Variants in PIK3C2G observed in about 807,000 individuals in gnomAD.
PIK3C2G encodes phosphatidylinositol 3-kinase C2 domain-containing subunit gamma.
In PIK3C2G, 168 loss-of-function variants were observed where a neutral mutation model predicts 181.1. The ratio of observed to expected loss-of-function variants is 0.93; its 90% CI spans 0.82 to 1.05. The LOEUF (loss-of-function observed/expected upper bound fraction) is 1.05, where lower values mean the gene tolerates loss of function less well. PIK3C2G is among the 50% of genes least tolerant of loss of function. The probability of loss-of-function intolerance (pLI) is 0.00; values close to 1 mark genes in which losing one functional copy is unlikely to be tolerated. For synonymous variants in PIK3C2G, 573 were observed against 592.2 expected (o/e 0.97, Z 0.47); for missense variants, 1,869 against 1,732.8 (o/e 1.08, Z -1.40).
At chr12:18,503,192 G>T (rs546810567) in intron 22 of PIK3C2G, 89 bp from the exon 23 acceptor site, 1 of 908,804 alleles carries the variant, frequency 1.1e-6, no homozygotes, top group Non-Finnish European at 1.7e-6. Context: ...TAATCCAGTA[G>T]TGCTGGAAGC....
chr12:18,528,097 T>C (rs1237334477), intron 24 of PIK3C2G, among the ~76,000 whole-genome samples: 1 of 152,204 alleles, frequency 6.6e-6, no homozygotes, highest in East Asian at 1.9e-4. Flanking sequence ...CTCATCATAT[T>C]GTACATGTGA....
At chr12:18,386,887 C>T (rs1344987571) in intron 14 of PIK3C2G, among the ~76,000 whole-genome samples, 2 of 152,136 alleles carry the variant, frequency 1.3e-5, no homozygotes, top group Admixed American at 6.5e-5. Context: ...GTCTCAATAT[C>T]TGTGTAAGTG....
At position 18,373,571 on chromosome 12, in the gene PIK3C2G, C is replaced by T. The variant is rs547908145; in HGVS notation, c.1880+2260C>T. The stretch of plus-strand genomic sequence containing the variant: ...CAGTTCTATTTTTAAAAGTCTTGGC[C>T]GGGCACGGTGGCTCACGCCTGTAAT... On this transcript the variant is annotated intron_variant, in intron 13 of 32. Transcript: ENST00000538779. 3.3e-5 allele frequency among the ~76,000 whole-genome samples: 5 copies of T among 152,162 alleles called. No homozygotes were observed. The East Asian group carries it at 9.7e-4, about 29-fold the overall frequency.
chr12:18,646,923 C>A (rs1950169479), intron 32 of PIK3C2G, among the ~76,000 whole-genome samples: 1 of 151,220 alleles, frequency 6.6e-6, no homozygotes, highest in South Asian at 2.1e-4. Context: ...AAAAAAAAGT[C>A]ACAAAAAAAG....
intron 6 of PIK3C2G, among the ~76,000 whole-genome samples, chr12:18,316,482 T>C (rs1299699751): frequency 6.6e-6 from 1 of 152,116 alleles, no homozygotes; most frequent in Non-Finnish European, 1.5e-5. Flanking sequence ...TTAAGTTACA[T>C]AGTTCTTTTT....
intron 31 of PIK3C2G, among the ~76,000 whole-genome samples, chr12:18,612,972 T>A (rs1398927614): frequency 6.6e-6 from 1 of 152,124 alleles, no homozygotes; most frequent in African/African-American, 2.4e-5. Context: ...CAGAGACTGA[T>A]GAAGTAGTGC....
intron 18 of PIK3C2G, among the ~76,000 whole-genome samples, chr12:18,472,432 C>A (rs1320432979): frequency 6.6e-6 from 1 of 152,106 alleles, no homozygotes; most frequent in African/African-American, 2.4e-5. Context: ...TCTGCTTATT[C>A]ATTTTTGTAT....
intron 1 of PIK3C2G, among the ~76,000 whole-genome samples, chr12:18,262,583 A>C (rs1239161782): frequency 6.6e-6 from 1 of 151,742 alleles, no homozygotes. Flanking sequence ...AATAGTGAGC[A>C]TAAGAAAATA....
rs537889763 is a variant in PIK3C2G at position 18,553,477 on chromosome 12, C to G, written c.3590+7045C>G. On this transcript the variant is annotated intron_variant, in intron 26 of 32. Transcript: ENST00000538779. ...AAAAAGGTAAAAGAATGATCCACTC[C>G]CAGCCAAGTCCACAGAGCCTAAAAC... Among the ~76,000 whole-genome samples the G allele has an allele frequency of 4.6e-5, 7 of 152,144 alleles. No homozygotes were observed. The South Asian group carries it at 1.4e-3, about 31-fold the overall frequency.
At chr12:18,600,112 C>T (rs962928144) in intron 30 of PIK3C2G, among the ~76,000 whole-genome samples, 61 of 152,108 alleles carry the variant, frequency 4.0e-4, no homozygotes, top group African/African-American at 1.3e-3. Flanking sequence ...AATGTATCTT[C>T]TCTTCAAATG....
chr12:18,527,901 A>G (rs768097143), intron 24 of PIK3C2G, among the ~76,000 whole-genome samples: 14 of 152,120 alleles, frequency 9.2e-5, no homozygotes, highest in Non-Finnish European at 1.9e-4. Flanking sequence ...TCTATTGATG[A>G]TCAGGGACTT....
chr12:18,420,904 C>A, intron 16 of PIK3C2G, 37 bp from the exon 17 acceptor site: 1 of 1,073,644 alleles, frequency 9.3e-7, no homozygotes, highest in South Asian at 1.3e-5. Context: ...TATTCCTTAC[C>A]ATTAACAGCT....
Position 18,505,358 on chromosome 12 carries a change from G to C in PIK3C2G, c.3220G>C (p.Asp1074His). The change falls in exon 24 of 33, where the codon GAC becomes CAC. Residue 1074 changes from aspartate (D) to histidine (H), a missense_variant. Physicochemically the swap from Asp to His is moderately conservative, Grantham distance 81 (BLOSUM62 -1). Transcript: ENST00000538779. Reference sequence around the variant, plus strand: ...GGTAACATTCATCCTGGGAGTATGTGACCGTCACAATGATAATATCATGCT... The same window carrying C: ...GGTAACATTCATCCTGGGAGTATGTCACCGTCACAATGATAATATCATGCT... ...CVVTFILGVC[D>H]RHNDNIMLTK... 2 of 1,612,996 alleles carry C rather than the reference G, an allele frequency of 1.2e-6. No individual in the cohort carries two copies. The highest frequency in any genetic ancestry group is 1.7e-6 in the Non-Finnish European group (2 of 1,179,390).
chr12:18,276,218 C>T (rs188974903), intron 1 of PIK3C2G, among the ~76,000 whole-genome samples: 2 of 152,256 alleles, frequency 1.3e-5, no homozygotes, highest in East Asian at 3.9e-4. Flanking sequence ...ATTTCAAAGG[C>T]TATCAGGATT....
At chr12:18,452,324 T>A (rs148485778) in intron 18 of PIK3C2G, among the ~76,000 whole-genome samples, 1,539 of 152,302 alleles carry the variant, frequency 0.01, 28 homozygotes, top group African/African-American at 0.035. Context: ...CAGGAATTTA[T>A]CCATTTCTTC....
chr12:18,477,067 C>A (rs1282585986), intron 18 of PIK3C2G, among the ~76,000 whole-genome samples: 1 of 152,096 alleles, frequency 6.6e-6, no homozygotes, highest in Non-Finnish European at 1.5e-5. Context: ...CACCTTCTCC[C>A]TGCGTCCTCA....
chr12:18,641,727 G>A (rs1385545218), intron 32 of PIK3C2G, among the ~76,000 whole-genome samples: 1 of 142,866 alleles, frequency 7.0e-6, no homozygotes, highest in East Asian at 2.0e-4. Context: ...TAAAACCCTG[G>A]CTTCTCTCTC....
intron 24 of PIK3C2G, among the ~76,000 whole-genome samples, chr12:18,516,266 T>TG (rs1565468059): frequency 1.3e-5 from 2 of 151,692 alleles, no homozygotes; most frequent in South Asian, 2.1e-4. Flanking sequence ...TGATGGTTTT[T>TG]TTTTTTTTTT....
At chr12:18,362,715 A>G in intron 11 of PIK3C2G, 49 bp from the exon 12 acceptor site, 1 of 1,370,960 alleles carries the variant, frequency 7.3e-7, no homozygotes, top group Non-Finnish European at 9.6e-7. Context: ...ATAGAAAGCT[A>G]GTTTCTTTAA....
Sources: gnomAD v4.1 joint callset for allele counts (sites outside exome capture counted in the v4.1 genomes callset) on GRCh38, gnomAD v4.1.1 for gene constraint, MANE v1.5 for transcripts, NCBI Gene and HGNC (gene_info 2026-07-23, HGNC 2026-07-21) for gene names.